Variants in GSTA5 observed in about 807,000 individuals in gnomAD.
GSTA5 encodes the protein glutathione S-transferase alpha 5, also known as glutathione S-transferase A5.
Under a neutral mutation model 21.8 loss-of-function variants are expected in GSTA5, and 25 were observed. The observed-to-expected ratio is 1.14, with a 90% CI of 0.83 to 1.60. GSTA5 has a LOEUF of 1.60. Among genes scored for constraint, GSTA5 ranks in the 40% most tolerant of loss-of-function variants. The pLI, the probability that GSTA5 is intolerant of heterozygous loss-of-function variation, is 0.00. For missense variants in GSTA5, 330 were observed against 259.2 expected (o/e 1.27, Z -1.88); for synonymous variants, 102 against 89.5 (o/e 1.14, Z -0.78).
chr6:52,837,451 G>A (rs1286105924), intron 2 of GSTA5, 107 bp downstream of exon 2: 14 of 667,260 alleles, frequency 2.1e-5, no homozygotes, highest in South Asian at 9.6e-5. Flanking sequence ...CCTCTCCACC[G>A]TGACTAAATA....
upstream of GSTA5, among the ~76,000 whole-genome samples, chr6:52,845,801 C>T (rs1051362669): frequency 2.0e-5 from 3 of 152,020 alleles, no homozygotes; most frequent in South Asian, 4.1e-4. Flanking sequence ...CTTTTTTCTC[C>T]TCATGTCATT....
upstream of GSTA5, among the ~76,000 whole-genome samples, chr6:52,844,742 AC>A (rs1764430157): frequency 2.0e-5 from 3 of 152,192 alleles, no homozygotes; most frequent in Admixed American, 2.0e-4. Flanking sequence ...AAATGAGATA[AC>A]GTACAAAAAA....
chr6:52,839,159 T>G (rs1561927486), intron 1 of GSTA5, among the ~76,000 whole-genome samples: 2 of 151,812 alleles, frequency 1.3e-5, no homozygotes, highest in Admixed American at 6.6e-5. Context: ...GTAGACAAGG[T>G]GGGGTGGGGT....
In GSTA5 at chr6:52,839,217, G is replaced by A. The variant is rs554946674; in HGVS notation, c.87+1510C>T. On this transcript the variant is annotated intron_variant, in intron 1 of 5. Coordinates refer to ENST00000370989, the Ensembl canonical transcript of GSTA5. ...GGGTTGTGATCATCAGCCTTAGGGC[G>A]CTGAGACCCCAGAAGCCTGAGCAAG... is the stretch of plus-strand genomic sequence containing the variant. Among the ~76,000 whole-genome samples, 150 of 152,258 alleles carry A rather than the reference G, an allele frequency of 9.9e-4. 3 individuals carry two copies. In the South Asian group the frequency reaches 0.021, roughly 21 times the overall value.
intron 5 of GSTA5, 124 bp from the exon 6 acceptor site, chr6:52,832,094 G>A: frequency 7.3e-7 from 1 of 1,361,984 alleles, no homozygotes; most frequent in South Asian, 1.6e-5. Context: ...GTACCAGCAT[G>A]GAGGCAGAAA....
chr6:52,844,574 C>T (rs1482370903), upstream of GSTA5, among the ~76,000 whole-genome samples: 3 of 152,158 alleles, frequency 2.0e-5, no homozygotes, highest in African/African-American at 7.2e-5. Flanking sequence ...GTCCCAATGA[C>T]ACTGTTTCTT....
chr6:52,836,804 A>G lies in GSTA5; in HGVS notation c.140-436T>C, dbSNP rs139837427. On this transcript the variant is annotated intron_variant, in intron 2 of 5. Transcript: ENST00000370989. ...TGGGATTACAGGTGTGAGCCACCAT[A>G]CCCGGCCCAAACAACATTTTTTAAA... is the stretch of plus-strand genomic sequence containing the variant. Among the ~76,000 whole-genome samples the G allele has an allele frequency of 6.7e-3, 1,014 of 152,292 alleles. 13 individuals are homozygous for G. Among genetic ancestry groups the G allele is most frequent in the African/African-American group, 0.02 (852 of 41,566 alleles).
At chr6:52,832,745 G>A in intron 5 of GSTA5, 114 bp downstream of exon 5, 1 of 1,519,692 alleles carries the variant, frequency 6.6e-7, no homozygotes, top group Non-Finnish European at 9.1e-7. Context: ...GACCTTGGGG[G>A]CACTGAAGGG....
chr6:52,839,054 C>T (rs1764335224), intron 1 of GSTA5, among the ~76,000 whole-genome samples: 1 of 152,038 alleles, frequency 6.6e-6, no homozygotes, highest in Non-Finnish European at 1.5e-5. Context: ...TCACACAGGA[C>T]CAGGATCTAG....
upstream of GSTA5, among the ~76,000 whole-genome samples, chr6:52,842,936 G>A (rs554772203): frequency 6.6e-6 from 1 of 152,204 alleles, no homozygotes; most frequent in African/African-American, 2.4e-5. Flanking sequence ...GGTGTGTGAT[G>A]TTACCCTCCC....
intron 4 of GSTA5, 78 bp from the exon 5 acceptor site, chr6:52,833,068 C>A: frequency 3.2e-6 from 5 of 1,555,164 alleles, no homozygotes; most frequent in Non-Finnish European, 4.4e-6. Context: ...AGCCTCTCCA[C>A]CCTGACTTTT....
At chr6:52,835,854 C>A (rs1764284455) in intron 3 of GSTA5, among the ~76,000 whole-genome samples, 1 of 152,156 alleles carries the variant, frequency 6.6e-6, no homozygotes, top group Non-Finnish European at 1.5e-5. Flanking sequence ...GCCTTCCCTC[C>A]CCAGGCCTTC....
intron 5 of GSTA5, 67 bp downstream of exon 5, chr6:52,832,792 G>T: frequency 6.2e-7 from 1 of 1,608,698 alleles, no homozygotes; most frequent in Non-Finnish European, 8.5e-7. Context: ...GTCAGTCCCG[G>T]GGCCCAGATA....
chr6:52,844,673 A>T (rs1764429449), upstream of GSTA5, among the ~76,000 whole-genome samples: 3 of 152,176 alleles, frequency 2.0e-5, no homozygotes, highest in South Asian at 6.2e-4. Flanking sequence ...CTGAGCCTCA[A>T]TTTTCTCTTC....
At chr6:52,842,360 T>C (rs1173215186), upstream of GSTA5, among the ~76,000 whole-genome samples, 4 of 151,990 alleles carry the variant, frequency 2.6e-5, no homozygotes, top group Non-Finnish European at 2.9e-5. Flanking sequence ...TTGTGGTTGT[T>C]GAGTTTAGAA....
chr6:52,840,903 G>A (rs1398193956), upstream of GSTA5: 1 of 1,170,640 alleles, frequency 8.5e-7, no homozygotes, highest in East Asian at 2.4e-5. Context: ...AGGATGTGTG[G>A]TTGAAAACCA....
At chr6:52,839,188 G>A (rs1483358925) in intron 1 of GSTA5, among the ~76,000 whole-genome samples, 1 of 152,158 alleles carries the variant, frequency 6.6e-6, no homozygotes, top group African/African-American at 2.4e-5. Context: ...GGGATGTGAG[G>A]ACTGGGTTGT....
At chr6:52,844,882 C>G (rs941271973), upstream of GSTA5, among the ~76,000 whole-genome samples, 10 of 152,218 alleles carry the variant, frequency 6.6e-5, no homozygotes, top group African/African-American at 2.4e-4. Flanking sequence ...AATTATTTTA[C>G]CTACCAACAA....
chr6:52,841,818 T>A (rs1355242939), upstream of GSTA5, among the ~76,000 whole-genome samples: 1 of 152,244 alleles, frequency 6.6e-6, no homozygotes, highest in African/African-American at 2.4e-5. Flanking sequence ...AAGTGGTGGA[T>A]CTGGGATGCA....
Sources: gnomAD v4.1 joint callset for allele counts (sites outside exome capture counted in the v4.1 genomes callset) on GRCh38, gnomAD v4.1.1 for gene constraint, MANE v1.5 for transcripts, NCBI Gene and HGNC (gene_info 2026-07-23, HGNC 2026-07-21) for gene names.